CD86: variants seen among roughly 807,000 people sequenced by gnomAD.
CD86 encodes the protein T-lymphocyte activation antigen CD86.
A neutral mutation model predicts 32.1 loss-of-function variants in CD86; 11 were observed. The ratio of observed to expected loss-of-function variants is 0.34; its 90% CI spans 0.22 to 0.57. CD86 has a LOEUF of 0.57. Among genes scored for constraint, CD86 ranks in the 20% least tolerant of loss-of-function variants. CD86 has a pLI of 0.86. For synonymous variants in CD86, 137 were observed against 135.3 expected (o/e 1.01, Z -0.09); for missense variants, 359 against 398.4 (o/e 0.90, Z 0.84).
intron 1 of CD86, among the ~76,000 whole-genome samples, chr3:122,062,101 C>A (rs371990172): frequency 0.019 from 2,700 of 145,804 alleles, 81 homozygotes; most frequent in African/African-American, 0.064. Context: ...AAAAAAAAAA[C>A]AAAAACTAAA....
intron 3 of CD86, among the ~76,000 whole-genome samples, chr3:122,104,427 G>A (rs1318414642): frequency 6.6e-6 from 1 of 152,118 alleles, no homozygotes; most frequent in Non-Finnish European, 1.5e-5. Flanking sequence ...TGCTTCACGA[G>A]ACCTTGGAAG....
intron 2 of CD86, 74 bp downstream of exon 2, chr3:122,091,724 G>GCCTGAGAC (rs2107527114): frequency 8.1e-7 from 1 of 1,234,066 alleles, no homozygotes; most frequent in Admixed American, 1.7e-5. Flanking sequence ...GCAAGCCCAG[G>GCCTGAGAC]CCTGAGACTT....
chr3:122,083,434 G>C (rs527362817), intron 1 of CD86, among the ~76,000 whole-genome samples: 22 of 152,204 alleles, frequency 1.4e-4, no homozygotes, highest in Admixed American at 1.3e-3. Flanking sequence ...TGCATATGCT[G>C]TTCCCTTTGC....
At chr3:122,065,626 C>G (rs1040656651) in intron 1 of CD86, among the ~76,000 whole-genome samples, 1 of 152,124 alleles carries the variant, frequency 6.6e-6, no homozygotes, top group Non-Finnish European at 1.5e-5. Flanking sequence ...ATATGAGCTG[C>G]TTGGATGCTG....
chr3:122,106,578 G>T, intron 4 of CD86, 78 bp downstream of exon 4: 1 of 1,295,090 alleles, frequency 7.7e-7, no homozygotes, highest in South Asian at 1.4e-5. Flanking sequence ...CAATGTCCCC[G>T]ACTTGCTAGG....
At chr3:122,091,892 A>C (rs997534877) in intron 2 of CD86, 1 of 505,280 alleles carries the variant, frequency 2.0e-6, no homozygotes, top group Non-Finnish European at 3.6e-6. Flanking sequence ...CTGCAGTCTC[A>C]CATCAGTGAG....
chr3:122,056,828 T>C (rs1480043166), intron 1 of CD86, among the ~76,000 whole-genome samples: 1 of 152,206 alleles, frequency 6.6e-6, no homozygotes, highest in Non-Finnish European at 1.5e-5. Context: ...AATTTCAAAA[T>C]TTATAATTTT....
chr3:122,059,891 G>A (rs749167837), intron 1 of CD86, among the ~76,000 whole-genome samples: 3 of 152,156 alleles, frequency 2.0e-5, no homozygotes, highest in Non-Finnish European at 4.4e-5. Context: ...GACACAGGGC[G>A]AAGACGGCCA....
chr3:122,082,448 A>G lies in CD86; in HGVS notation c.15-9153A>G, dbSNP rs1351447464. On this transcript the variant is annotated intron_variant, in intron 1 of 6. Coordinates refer to ENST00000330540, the MANE Select transcript of CD86 (RefSeq NM_175862.5). Reference sequence around the variant, plus strand: ...ACATAATTTCATTATTCACTAGTGAACCTTGCTGCCCTTCCCCTTGATAAA... The same window carrying G: ...ACATAATTTCATTATTCACTAGTGAGCCTTGCTGCCCTTCCCCTTGATAAA... Among the ~76,000 whole-genome samples the G allele has an allele frequency of 2.0e-5, 3 of 152,166 alleles. No individual in the cohort carries two copies. In the East Asian group the frequency reaches 5.8e-4, roughly 29 times the overall value.
chr3:122,095,573 C>T (rs1032361284), intron 2 of CD86, among the ~76,000 whole-genome samples: 1 of 152,094 alleles, frequency 6.6e-6, no homozygotes, highest in African/African-American at 2.4e-5. Flanking sequence ...CAGATATCTG[C>T]GTGGGTGGTT....
chr3:122,113,023 T>C (rs1472671070), intron 5 of CD86, among the ~76,000 whole-genome samples: 2 of 152,184 alleles, frequency 1.3e-5, no homozygotes, highest in Non-Finnish European at 2.9e-5. Flanking sequence ...TTCCTCTGAG[T>C]CCCCAAAGTC....
At chr3:122,110,894 A>C (rs1237197508) in intron 5 of CD86, among the ~76,000 whole-genome samples, 1 of 152,240 alleles carries the variant, frequency 6.6e-6, no homozygotes, top group African/African-American at 2.4e-5. Flanking sequence ...TCTTCACATT[A>C]GAATGATCAG....
Position 122,090,892 on chromosome 3 carries a change from T to G in CD86, c.15-709T>G, listed in dbSNP as rs1387837980. On this transcript the variant is annotated intron_variant, in intron 1 of 6. Coordinates refer to ENST00000330540, the MANE Select transcript of CD86 (RefSeq NM_175862.5). ...CGGCAGCATTGTCATCACCTTATGT[T>G]GTTAAACATAAAAATTCATGGGTTT... Among the ~76,000 whole-genome samples, 3 of 152,198 alleles carry G rather than the reference T, an allele frequency of 2.0e-5. No individual in the cohort carries two copies. The East Asian group carries it at 5.8e-4, about 29-fold the overall frequency.
chr3:122,116,278 A>G (rs1466591380), intron 5 of CD86, among the ~76,000 whole-genome samples: 1 of 152,246 alleles, frequency 6.6e-6, no homozygotes, highest in Non-Finnish European at 1.5e-5. Flanking sequence ...ATATAATTAC[A>G]TATTGCTACT....
chr3:122,104,477 A>C (rs1028272687), intron 3 of CD86, among the ~76,000 whole-genome samples: 1 of 152,174 alleles, frequency 6.6e-6, no homozygotes, highest in African/African-American at 2.4e-5. Flanking sequence ...ACTATCACAC[A>C]GTAAAATTAT....
chr3:122,101,513 A>AAAAAAAAAAATATAT (rs1202377219), intron 2 of CD86, among the ~76,000 whole-genome samples: 1 of 46,346 alleles, frequency 2.2e-5, no homozygotes, highest in African/African-American at 8.5e-5. Flanking sequence ...AAAAAAAAAA[A>AAAAAAAAAAATATAT]ATATATATAT....
Position 122,101,513 on chromosome 3 carries a change from AAT to A in CD86, c.65-1972_65-1971del, listed in dbSNP as rs58001956. ...CTCTACAGAAAAAAAAAAAAAAAAAAATATATATATATATATATATATATATA... is the reference window on the plus strand; with the variant it reads ...CTCTACAGAAAAAAAAAAAAAAAAAAATATATATATATATATATATATATA... On this transcript the variant is annotated intron_variant, in intron 2 of 6. Coordinates refer to ENST00000330540, the MANE Select transcript of CD86 (RefSeq NM_175862.5). Among the ~76,000 whole-genome samples, 310 of 46,288 alleles carry A rather than the reference AAT, an allele frequency of 6.7e-3. 1 individual carries two copies. The highest frequency in any genetic ancestry group is 9.7e-3 in the South Asian group (13 of 1,338). The allele number at this position is 46,288 out of a possible 152,430, so 30.4% of individuals were successfully genotyped here. A position where few individuals can be genotyped will look rare whatever the true frequency, so the allele number is the denominator to read the frequency against.
chr3:122,109,123 T>C, intron 4 of CD86, 142 bp from the exon 5 acceptor site: 5 of 788,128 alleles, frequency 6.3e-6, no homozygotes, highest in Non-Finnish European at 9.8e-6. Flanking sequence ...GGACTTTCTA[T>C]GGCCTCCTAT....
At chr3:122,104,853 G>A (rs1381558056) in intron 3 of CD86, among the ~76,000 whole-genome samples, 1 of 152,144 alleles carries the variant, frequency 6.6e-6, no homozygotes, top group Non-Finnish European at 1.5e-5. Flanking sequence ...TTTCTGGTTT[G>A]GGGCTCTTAT....
Sources: allele counts gnomAD v4.1 joint callset (sites outside exome capture counted in the v4.1 genomes callset), GRCh38; gene constraint gnomAD v4.1.1; transcripts MANE v1.5; gene names NCBI Gene and HGNC (gene_info 2026-07-23, HGNC 2026-07-21).